The following PTTG1 variants were observed in gnomAD, a reference collection of about 807,000 sequenced individuals.
PTTG1 encodes the protein PTTG1 regulator of sister chromatid separation, securin, also known as securin.
In PTTG1, 8 loss-of-function variants were observed where a neutral mutation model predicts 20.0. The ratio of observed to expected loss-of-function variants is 0.40; its 90% confidence interval spans 0.23 to 0.72. The LOEUF (loss-of-function observed/expected upper bound fraction) is 0.72. PTTG1 is among the 30% of genes least tolerant of loss of function. The pLI is 0.38. For missense variants in PTTG1, 197 were observed against 236.0 expected (o/e 0.83, Z 1.08); for synonymous variants, 79 against 87.2 (o/e 0.91, Z 0.52).
At position 160,424,311 on chromosome 5, in the gene PTTG1, C is replaced by A. The variant is rs763093561; in HGVS notation, c.351C>A (p.Phe117Leu). 1.2e-5 allele frequency: 19 copies of A among 1,607,818 alleles called. No homozygotes were observed. The highest frequency in any genetic ancestry group is 4.0e-5 in the African/African-American group (3 of 74,778). ...ATGCCTATCCAGAAATAGAAAAATT[C>A]TTTCCCTTCAATCCTCTAGGTAGTA... ...SDDAYPEIEK[F>L]FPFNPLDFES... Residue 117 changes from phenylalanine (F) to leucine (L), a missense_variant, in exon 4 of 6, where the codon TTC becomes TTA. Phe to Leu is a conservative substitution (Grantham distance 22). Coordinates refer to ENST00000352433, the MANE Select transcript of PTTG1 (RefSeq NM_004219.4).
At chr5:160,425,150 T>C (rs1765782850) in intron 4 of PTTG1, among the ~76,000 whole-genome samples, 1 of 152,238 alleles carries the variant, frequency 6.6e-6, no homozygotes, top group Non-Finnish European at 1.5e-5. Flanking sequence ...AAAGAGGTCA[T>C]GTAGTTATTT....
chr5:160,426,056 C>T (rs1446299475), intron 4 of PTTG1, among the ~76,000 whole-genome samples: 2 of 152,056 alleles, frequency 1.3e-5, no homozygotes, highest in Non-Finnish European at 2.9e-5. Flanking sequence ...CACAATGGTT[C>T]TCCATTTTTT....
At chr5:160,427,612 G>T (rs776550676) in intron 4 of PTTG1, 103 bp from the exon 5 acceptor site, 1 of 1,295,124 alleles carries the variant, frequency 7.7e-7, no homozygotes, top group African/African-American at 1.5e-5. Context: ...CTTGAAAATA[G>T]TTTTGACCTC....
In PTTG1 at chr5:160,427,713, A is replaced by G. The variant is rs377175957; in HGVS notation, c.371-2A>G. 24 of 1,613,668 alleles carry G rather than the reference A, an allele frequency of 1.5e-5. No individual in the cohort carries two copies. The highest frequency in any genetic ancestry group is 2.7e-5 in the African/African-American group (2 of 74,912). On this transcript the variant is annotated splice_acceptor_variant, in intron 4 of 5. Coordinates refer to ENST00000352433, the MANE Select transcript of PTTG1 (RefSeq NM_004219.4). LOFTEE classifies it high-confidence loss of function. ...GACAAAAACGCTTTCTCTCTGTAACAGACTTTGAGAGTTTTGACCTGCCTG... is the reference window on the plus strand; with the variant it reads ...GACAAAAACGCTTTCTCTCTGTAACGGACTTTGAGAGTTTTGACCTGCCTG...
chr5:160,423,129 C>G, intron 3 of PTTG1: 1 of 505,060 alleles, frequency 2.0e-6, no homozygotes, highest in Non-Finnish European at 3.6e-6. Flanking sequence ...TTTGCCTCAC[C>G]TGTCCTTCAC....
Position 160,422,774 on chromosome 5 carries a change from C to T in PTTG1, c.157C>T (p.Pro53Ser). ...ACGTTTTGGCAAAACGTTCGATGCCCCACCAGCCTTACCTAAAGCTACTAG... is the reference window on the plus strand; with the variant it reads ...ACGTTTTGGCAAAACGTTCGATGCCTCACCAGCCTTACCTAAAGCTACTAG... ...TPRFGKTFDA[P>S]PALPKATRKA... The change falls in exon 3 of 6, where the codon CCA (proline) becomes TCA (serine). Residue 53 changes from proline to serine, a missense_variant. Physicochemically the swap from Pro to Ser is moderately conservative, Grantham distance 74 (BLOSUM62 -1). Coordinates refer to ENST00000352433, the MANE Select transcript of PTTG1 (RefSeq NM_004219.4). The T allele has an allele frequency of 1.2e-6, 2 of 1,614,102 alleles. No homozygotes were observed. The highest frequency in any genetic ancestry group is 1.7e-6 in the Non-Finnish European group (2 of 1,180,014).
intron 4 of PTTG1, among the ~76,000 whole-genome samples, chr5:160,426,090 T>C (rs1427407017): frequency 1.3e-5 from 2 of 152,326 alleles, no homozygotes; most frequent in Middle Eastern, 3.4e-3. Flanking sequence ...AAAGACCCTT[T>C]TACACTCTTA....
Position 160,422,718 on chromosome 5 carries a change from C to A in PTTG1, c.101C>A (p.Ala34Asp). 6.2e-7 allele frequency: 1 copy of A among 1,614,010 alleles called. No individual in the cohort carries two copies. The highest frequency in any genetic ancestry group is 8.5e-7 in the Non-Finnish European group (1 of 1,179,988). Residue 34 changes from alanine to aspartate, a missense_variant, in exon 3 of 6, where the codon GCC (alanine) becomes GAC (aspartate). Physicochemically the swap from Ala to Asp is moderately radical, Grantham distance 126 (BLOSUM62 -2). Coordinates refer to ENST00000352433, the MANE Select transcript of PTTG1 (RefSeq NM_004219.4). The stretch of plus-strand genomic sequence containing the variant: ...AAGACTTTTTCTTCAGCAATCAAAG[C>A]CTTAGATGGGAGATCTCAAGTTTCA... The part of the protein sequence containing the change: ...LKLGSGPSIK[A>D]LDGRSQVSTP...
intron 3 of PTTG1, among the ~76,000 whole-genome samples, chr5:160,423,486 A>T (rs1323083633): frequency 6.6e-6 from 1 of 152,250 alleles, no homozygotes; most frequent in African/African-American, 2.4e-5. Flanking sequence ...TTTAATTTGC[A>T]TTAGGAAACA....
chr5:160,428,593 G>T lies in PTTG1; in HGVS notation c.530-9G>T. On this transcript the variant is annotated splice_polypyrimidine_tract_variant and intron_variant, in intron 5 of 5. Coordinates refer to ENST00000352433, the MANE Select transcript of PTTG1 (RefSeq NM_004219.4). ...GCAGAAATTTTAATAAGAGATTCCTGTTTTCTAGATCTGTTGCAGTCTCCT... is the reference window on the plus strand; with the variant it reads ...GCAGAAATTTTAATAAGAGATTCCTTTTTTCTAGATCTGTTGCAGTCTCCT... 6.2e-7 allele frequency: 1 copy of T among 1,612,472 alleles called. No individual in the cohort carries two copies. Among genetic ancestry groups the T allele is most frequent in the East Asian group, 2.2e-5 (1 of 44,864 alleles).
chr5:160,427,883 C>G lies in PTTG1; in HGVS notation c.529+10C>G. On this transcript the variant is annotated intron_variant, in intron 5 of 5. Coordinates refer to ENST00000352433, the MANE Select transcript of PTTG1 (RefSeq NM_004219.4). ...CCACCATGGGAATCCAGTAAGTGAG[C>G]AAGTGCCCTTCTGGAAGGGCTGCAA... 1 of 1,614,124 alleles carries G rather than the reference C, an allele frequency of 6.2e-7. No individual in the cohort carries two copies. Among genetic ancestry groups the G allele is most frequent in the South Asian group, 1.1e-5 (1 of 91,080 alleles).
At chr5:160,423,082 A>AAG in intron 3 of PTTG1, 189 bp downstream of exon 3, 3 of 639,332 alleles carry the variant, frequency 4.7e-6, no homozygotes, top group Non-Finnish European at 8.0e-6. Context: ...TGGAAATCTC[A>AAG]GATGCAGCTA....
chr5:160,428,575 T>G, intron 5 of PTTG1, 27 bp from the exon 6 acceptor site: 3 of 1,601,428 alleles, frequency 1.9e-6, no homozygotes, highest in South Asian at 1.1e-5. Flanking sequence ...TTTGCAGAAA[T>G]TTTAATAAGA....
At chr5:160,426,986 G>T (rs887033214) in intron 4 of PTTG1, among the ~76,000 whole-genome samples, 3 of 152,166 alleles carry the variant, frequency 2.0e-5, no homozygotes, top group African/African-American at 7.2e-5. Flanking sequence ...AGGTTGCAGT[G>T]AACGGAGATT....
intron 4 of PTTG1, 96 bp from the exon 5 acceptor site, chr5:160,427,619 C>T (rs1765830735): frequency 2.2e-6 from 3 of 1,341,684 alleles, no homozygotes; most frequent in Non-Finnish European, 3.1e-6. Context: ...ATAGTTTTGA[C>T]CTCATGGACC....
In PTTG1 at chr5:160,422,352, C is replaced by T; in HGVS notation, c.40C>T (p.Pro14Ser). 6.2e-7 allele frequency: 1 copy of T among 1,613,970 alleles called. No homozygotes were observed. The highest frequency in any genetic ancestry group is 8.5e-7 in the Non-Finnish European group (1 of 1,179,958). ...LIYVDKENGE[P>S]GTRVVAKDGL... ...CTATGTTGATAAGGAAAATGGAGAA[C>T]CAGGCACCCGTGTGGTTGCTAAGGA... is the stretch of plus-strand genomic sequence containing the variant. Residue 14 changes from proline to serine, a missense_variant, in exon 2 of 6, where the codon CCA (proline) becomes TCA (serine). By Grantham distance (74) the Pro-to-Ser change is moderately conservative (BLOSUM62 -1). Transcript: ENST00000352433.
In PTTG1 at chr5:160,423,232, C is replaced by G. The variant is rs115741232; in HGVS notation, c.276+339C>G. On this transcript the variant is annotated intron_variant, in intron 3 of 5. Coordinates refer to ENST00000352433, the MANE Select transcript of PTTG1 (RefSeq NM_004219.4). ...GAAACTGGTTGGTGGTATCCACTTA[C>G]AGATACATACTGAGAGAGAGGGTGC... Among the ~76,000 whole-genome samples the G allele has an allele frequency of 3.4e-3, 516 of 152,306 alleles. 2 individuals carry two copies. Among genetic ancestry groups the G allele is most frequent in the African/African-American group, 0.012 (491 of 41,562 alleles).
rs374706020 is a variant in PTTG1, at chr5:160,423,176, G to A, written c.276+283G>A. Reference sequence around the variant, plus strand: ...AACTGGTTGGTGGTGTCTACTTACAGATACATACTGAGAGAGAGGGTGCCT... The same window carrying A: ...AACTGGTTGGTGGTGTCTACTTACAAATACATACTGAGAGAGAGGGTGCCT... On this transcript the variant is annotated intron_variant, in intron 3 of 5. Coordinates refer to ENST00000352433, the MANE Select transcript of PTTG1 (RefSeq NM_004219.4). 7.8e-5 allele frequency among the ~76,000 whole-genome samples: 11 copies of A among 141,114 alleles called. No individual in the cohort carries two copies. The East Asian group carries it at 2.2e-3, about 28-fold the overall frequency. The allele number at this position is 141,114 out of a possible 152,430, so 92.6% of individuals were successfully genotyped here. A position where few individuals can be genotyped will look rare whatever the true frequency, so the allele number is the denominator to read the frequency against.
intron 4 of PTTG1, among the ~76,000 whole-genome samples, chr5:160,426,198 C>T (rs1486126338): frequency 6.6e-6 from 1 of 152,216 alleles, no homozygotes; most frequent in South Asian, 2.1e-4. Flanking sequence ...TAAGTAATCA[C>T]ATTACATTAA....
Sources: gnomAD v4.1 joint callset for allele counts (sites outside exome capture counted in the v4.1 genomes callset) on GRCh38, gnomAD v4.1.1 for gene constraint, MANE v1.5 for transcripts, NCBI Gene and HGNC (gene_info 2026-07-23, HGNC 2026-07-21) for gene names.